Variants in MARCHF1 observed in about 807,000 individuals in gnomAD.
MARCHF1 encodes membrane associated ring-CH-type finger 1, also known as E3 ubiquitin-protein ligase MARCHF1.
MARCHF1 carries 40 observed loss-of-function variants against 54.2 expected under a neutral mutation model. That is an observed-to-expected ratio of 0.74 (90% CI 0.57 to 0.96). MARCHF1 has a LOEUF of 0.96. MARCHF1 is among the 40% of genes least tolerant of loss of function. MARCHF1 has a pLI of 0.00. For missense variants in MARCHF1, 586 were observed against 656.5 expected, an observed-to-expected ratio of 0.89 and a Z score of 1.17; for synonymous variants, 236 against 236.3, an observed-to-expected ratio of 1.00 and a Z score of 0.01.
At chr4:164,319,379 C>A (rs1408639336) in intron 1 of MARCHF1, among the ~76,000 whole-genome samples, 1 of 152,004 alleles carries the variant, frequency 6.6e-6, no homozygotes, top group African/African-American at 2.4e-5. Flanking sequence ...CCCATGGATA[C>A]CAAGGAATGA....
intron 2 of MARCHF1, among the ~76,000 whole-genome samples, chr4:164,064,203 T>C (rs1754680824): frequency 6.6e-6 from 1 of 152,250 alleles, no homozygotes; most frequent in Non-Finnish European, 1.5e-5. Context: ...GTGAAGAATG[T>C]CAATTGTAAT....
chr4:164,193,008 G>A (rs545875265), intron 1 of MARCHF1, among the ~76,000 whole-genome samples: 1 of 152,280 alleles, frequency 6.6e-6, no homozygotes, highest in African/African-American at 2.4e-5. Flanking sequence ...GTTGCCAAAT[G>A]CCTACACCTG....
chr4:163,672,105 T>C lies in MARCHF1; in HGVS notation c.162+28708A>G, dbSNP rs533990305. On this transcript the variant is annotated intron_variant, in intron 5 of 9. Coordinates refer to ENST00000514618, the MANE Select transcript of MARCHF1 (RefSeq NM_001394959.1). ...GGGTCTGATATCCTAGTTTCAAATG[T>C]GTCACACTAACCATGTGATCTTGAG... Among the ~76,000 whole-genome samples, 24 of 152,352 alleles carry C rather than the reference T, an allele frequency of 1.6e-4. 2 individuals are homozygous for C. In the South Asian group the frequency reaches 4.8e-3, roughly 30 times the overall value.
At chr4:164,145,401 A>C (rs1324137089) in intron 1 of MARCHF1, among the ~76,000 whole-genome samples, 1 of 152,038 alleles carries the variant, frequency 6.6e-6, no homozygotes, top group Non-Finnish European at 1.5e-5. Context: ...ATCCTTGATG[A>C]ACATTGATGC....
chr4:163,788,003 C>T lies in MARCHF1; in HGVS notation c.111+66018G>A, dbSNP rs144918520. Among the ~76,000 whole-genome samples, 15 of 151,826 alleles carry T rather than the reference C, an allele frequency of 9.9e-5. No homozygotes were observed. In the East Asian group the frequency reaches 1.2e-3, roughly 12 times the overall value. ...AAAGGACAAATATTGTATACTTTGA[C>T]GTATCTAAAGTAGTGAAAATTATGC... On this transcript the variant is annotated intron_variant, in intron 4 of 9. Transcript: ENST00000514618.
At chr4:163,833,543 A>T (rs1252426710) in intron 4 of MARCHF1, among the ~76,000 whole-genome samples, 3 of 152,134 alleles carry the variant, frequency 2.0e-5, no homozygotes, top group African/African-American at 2.4e-5. Context: ...CAACCCCATC[A>T]AAAAGTGGGT....
rs185342251 is a variant in MARCHF1, at chr4:163,808,068, T to C, written c.111+45953A>G. 5.6e-3 allele frequency among the ~76,000 whole-genome samples: 856 copies of C among 152,334 alleles called. 10 individuals carry two copies. The highest frequency in any genetic ancestry group is 0.019 in the African/African-American group (806 of 41,580). Reference sequence around the variant, plus strand: ...TTCATGCACTGCTACCTTTCTGTTGTGCTATTTTGTGACACAATATTTTGA... The same window carrying C: ...TTCATGCACTGCTACCTTTCTGTTGCGCTATTTTGTGACACAATATTTTGA... On this transcript the variant is annotated intron_variant, in intron 4 of 9. Coordinates refer to ENST00000514618, the MANE Select transcript of MARCHF1 (RefSeq NM_001394959.1).
intron 4 of MARCHF1, among the ~76,000 whole-genome samples, chr4:163,852,210 G>A (rs558830549): frequency 6.6e-6 from 1 of 152,196 alleles, no homozygotes; most frequent in Non-Finnish European, 1.5e-5. Flanking sequence ...CTAGATAAGT[G>A]GCACTAGGAA....
intron 1 of MARCHF1, among the ~76,000 whole-genome samples, chr4:164,366,814 A>G (rs1331305388): frequency 6.6e-6 from 1 of 151,910 alleles, no homozygotes; most frequent in East Asian, 1.9e-4. Context: ...TGTACCTGTC[A>G]CCTACATTTA....
In MARCHF1 at chr4:163,573,295, C is replaced by CTTATTATTATTA. The variant is rs34017689; in HGVS notation, c.1191+12442_1191+12453dup. Among the ~76,000 whole-genome samples, 1,093 of 144,324 alleles carry CTTATTATTATTA rather than the reference C, an allele frequency of 7.6e-3. 9 individuals are homozygous for CTTATTATTATTA. The highest frequency in any genetic ancestry group is 1.0e-2 in the Non-Finnish European group (659 of 66,094). 94.7% of individuals were successfully genotyped at this position (144,324 alleles called of 152,430 possible). A position where few individuals can be genotyped will look rare whatever the true frequency, so the allele number is the denominator to read the frequency against. ...CCTTTCCTATTTGGATGCTTTTTCT[C>CTTATTATTATTA]TTATTATTATTATTATTATTATTAT... On this transcript the variant is annotated intron_variant, in intron 8 of 9. Coordinates refer to ENST00000514618, the MANE Select transcript of MARCHF1 (RefSeq NM_001394959.1).
chr4:163,756,236 G>A (rs1340409856), intron 4 of MARCHF1, among the ~76,000 whole-genome samples: 1 of 152,112 alleles, frequency 6.6e-6, no homozygotes, highest in Non-Finnish European at 1.5e-5. Context: ...TATAGAGCTG[G>A]AGCCAGAATG....
At chr4:164,130,608 A>C (rs1756280871) in intron 1 of MARCHF1, among the ~76,000 whole-genome samples, 1 of 152,180 alleles carries the variant, frequency 6.6e-6, no homozygotes, top group Admixed American at 6.6e-5. Context: ...CTTAACAAAG[A>C]GTTTTTATAA....
chr4:163,743,256 T>C (rs1579249005), intron 4 of MARCHF1, among the ~76,000 whole-genome samples: 1 of 152,202 alleles, frequency 6.6e-6, no homozygotes, highest in Non-Finnish European at 1.5e-5. Flanking sequence ...TTATCTGATG[T>C]GGCACTAAAA....
chr4:163,940,461 A>G (rs1258045199), intron 3 of MARCHF1, among the ~76,000 whole-genome samples: 1 of 152,112 alleles, frequency 6.6e-6, no homozygotes, highest in African/African-American at 2.4e-5. Flanking sequence ...ATATGTACGC[A>G]TATGGTAGTT....
At chr4:164,324,200 T>C (rs939649680) in intron 1 of MARCHF1, among the ~76,000 whole-genome samples, 6 of 151,748 alleles carry the variant, frequency 4.0e-5, no homozygotes, top group African/African-American at 1.4e-4. Flanking sequence ...AATTATAACA[T>C]TAGAAGTAGG....
intron 4 of MARCHF1, among the ~76,000 whole-genome samples, chr4:163,753,278 T>G (rs1241326437): frequency 6.6e-6 from 1 of 152,066 alleles, no homozygotes; most frequent in Non-Finnish European, 1.5e-5. Context: ...TTATTATTAT[T>G]TTTGCTTCAT....
intron 3 of MARCHF1, among the ~76,000 whole-genome samples, chr4:163,925,786 T>C (rs1751524189): frequency 6.6e-6 from 1 of 151,684 alleles, no homozygotes; most frequent in African/African-American, 2.4e-5. Context: ...GAATTATTAG[T>C]TAATAACATA....
At chr4:163,621,700 G>A (rs1285099684) in intron 5 of MARCHF1, among the ~76,000 whole-genome samples, 2 of 152,066 alleles carry the variant, frequency 1.3e-5, no homozygotes, top group Non-Finnish European at 2.9e-5. Flanking sequence ...AGGAACACTG[G>A]GTCTCTGCTT....
At chr4:163,986,857 G>T (rs1752880490) in intron 3 of MARCHF1, among the ~76,000 whole-genome samples, 1 of 152,130 alleles carries the variant, frequency 6.6e-6, no homozygotes, top group Non-Finnish European at 1.5e-5. Context: ...TCTACAGAAA[G>T]AGATTTCTGG....
Sources: gnomAD v4.1 joint callset for allele counts (sites outside exome capture counted in the v4.1 genomes callset) on GRCh38, gnomAD v4.1.1 for gene constraint, MANE v1.5 for transcripts, NCBI Gene and HGNC (gene_info 2026-07-23, HGNC 2026-07-21) for gene names.